LMO7: variants seen among roughly 807,000 people sequenced by gnomAD.
LMO7 encodes LIM domain only protein 7.
A neutral mutation model predicts 206.5 loss-of-function variants in LMO7; 120 were observed. That is an observed-to-expected ratio of 0.58 (90% CI 0.50 to 0.68). LMO7 has a LOEUF of 0.68. Among genes scored for constraint, LMO7 ranks in the 30% least tolerant of loss-of-function variants. The pLI is 0.00. For missense variants in LMO7, 1,959 were observed against 1,957.9 expected (o/e 1.00, Z -0.01); for synonymous variants, 706 against 681.5 (o/e 1.04, Z -0.56).
At chr13:75,801,682 GT>G (rs930244450) in intron 7 of LMO7, among the ~76,000 whole-genome samples, 6 of 149,704 alleles carry the variant, frequency 4.0e-5, no homozygotes, top group East Asian at 1.9e-4. Context: ...CACAAGTGAA[GT>G]TTTTTTTTTG....
At chr13:75,781,096 C>CTTTTTTTTTTT (rs367937964) in intron 4 of LMO7, among the ~76,000 whole-genome samples, 12 of 41,904 alleles carry the variant, frequency 2.9e-4, no homozygotes, top group Admixed American at 3.4e-4. Context: ...CTCTATTTTC[C>CTTTTTTTTTTT]TTTTTTTTTT....
rs2045887159 is a variant in LMO7, at chr13:75,737,065, T to C, written c.210+9967T>C. 3.9e-5 allele frequency among the ~76,000 whole-genome samples: 6 copies of C among 152,290 alleles called. No homozygotes were observed. In the South Asian group the frequency reaches 1.2e-3, roughly 32 times the overall value. ...GCCCCAGTACCTTAGAGTGTGATCT[T>C]ATTTGGGAATAGAGTTGTTGGAGAT... On this transcript the variant is annotated intron_variant, in intron 3 of 30. Transcript: ENST00000377534.
intron 13 of LMO7, among the ~76,000 whole-genome samples, chr13:75,820,414 T>C (rs1405136557): frequency 6.6e-6 from 1 of 152,206 alleles, no homozygotes; most frequent in Non-Finnish European, 1.5e-5. Flanking sequence ...ATCTTTTATT[T>C]TTACTAAATT....
upstream of LMO7, among the ~76,000 whole-genome samples, chr13:75,633,845 T>C (rs1303133491): frequency 4.9e-5 from 2 of 41,054 alleles, no homozygotes; most frequent in African/African-American, 1.0e-4. Flanking sequence ...CTTTTCCTTT[T>C]TTTTTTTTTT....
chr13:75,636,120 C>T (rs1449521918), upstream of LMO7: 4 of 194,528 alleles, frequency 2.1e-5, no homozygotes, highest in Non-Finnish European at 2.8e-5. Flanking sequence ...GCGGGAACCC[C>T]AGCGGGGCCC....
intron 4 of LMO7, among the ~76,000 whole-genome samples, chr13:75,793,277 T>C (rs953876376): frequency 6.6e-6 from 1 of 152,178 alleles, no homozygotes; most frequent in Non-Finnish European, 1.5e-5. Context: ...GGTTTTTGTT[T>C]GTTTGTTTGT....
chr13:75,842,268 TACTC>T (rs1052155723), intron 24 of LMO7, among the ~76,000 whole-genome samples: 1 of 152,166 alleles, frequency 6.6e-6, no homozygotes, highest in African/African-American at 2.4e-5. Context: ...CTCTTCCCCT[TACTC>T]ACTCTGTTCC....
At chr13:75,805,875 C>T in intron 9 of LMO7, 115 bp downstream of exon 9, 2 of 1,202,978 alleles carry the variant, frequency 1.7e-6, no homozygotes, top group Admixed American at 2.3e-5. Context: ...AATTAGTTCT[C>T]TAGTATCTGC....
upstream of LMO7, among the ~76,000 whole-genome samples, chr13:75,634,996 T>G (rs1005344761): frequency 7.1e-5 from 10 of 141,654 alleles, no homozygotes; most frequent in African/African-American, 2.4e-4. Flanking sequence ...ACAGTGAGAC[T>G]CCATCTCAAA....
intron 5 of LMO7, among the ~76,000 whole-genome samples, chr13:75,796,357 T>C (rs1224437449): frequency 2.6e-5 from 4 of 152,206 alleles, no homozygotes; most frequent in African/African-American, 9.6e-5. Context: ...TTTTCTCTTA[T>C]TTTTTTCCCT....
At chr13:75,840,177 C>A in intron 21 of LMO7, 67 bp downstream of exon 21, 1 of 1,455,120 alleles carries the variant, frequency 6.9e-7, no homozygotes, top group Non-Finnish European at 9.6e-7. Flanking sequence ...TACACCGTAG[C>A]ATGCTTACCA....
chr13:75,764,424 T>G (rs1448450344), intron 4 of LMO7, among the ~76,000 whole-genome samples: 2 of 152,056 alleles, frequency 1.3e-5, no homozygotes, highest in African/African-American at 2.4e-5. Flanking sequence ...TCAAGCATAA[T>G]GGCCCCACCA....
chr13:75,804,958 GT>G, intron 8 of LMO7: 1 of 1,001,950 alleles, frequency 1.0e-6, no homozygotes, highest in Non-Finnish European at 1.2e-6. Context: ...GAGGCGTACG[GT>G]TTTGAAAGTG....
chr13:75,760,184 A>G (rs2048039150), intron 3 of LMO7: 1 of 165,170 alleles, frequency 6.1e-6, no homozygotes, highest in South Asian at 2.0e-4. Context: ...AGCAGTTTAC[A>G]TTAACGAAGA....
intron 3 of LMO7, among the ~76,000 whole-genome samples, chr13:75,752,455 T>A (rs2047350120): frequency 6.6e-6 from 1 of 152,260 alleles, no homozygotes; most frequent in Middle Eastern, 3.4e-3. Flanking sequence ...AAAAAATTTA[T>A]ATTCATGGGG....
At chr13:75,837,956 A>G (rs1420135768) in intron 19 of LMO7, among the ~76,000 whole-genome samples, 184 bp from the exon 20 acceptor site, 1 of 152,186 alleles carries the variant, frequency 6.6e-6, no homozygotes, top group Non-Finnish European at 1.5e-5. Context: ...TTTGAATGTA[A>G]TGTAGGCTAC....
At chr13:75,832,992 C>G (rs202147881) in intron 15 of LMO7, 59 bp from the exon 16 acceptor site, 1 of 905,234 alleles carries the variant, frequency 1.1e-6, no homozygotes, top group Non-Finnish European at 1.9e-6. Flanking sequence ...CATGGATAGA[C>G]TTTCCTCCAT....
intron 1 of LMO7, among the ~76,000 whole-genome samples, chr13:75,638,544 C>T (rs1193709989): frequency 6.6e-6 from 1 of 152,148 alleles, no homozygotes. Flanking sequence ...ACTGTCATAT[C>T]CTTTTAATAT....
intron 3 of LMO7, among the ~76,000 whole-genome samples, chr13:75,748,393 G>A (rs1403086838): frequency 6.6e-6 from 1 of 152,156 alleles, no homozygotes; most frequent in Non-Finnish European, 1.5e-5. Context: ...GGCAAGTCAC[G>A]TAACCCCTTA....
Sources: allele counts gnomAD v4.1 joint callset (sites outside exome capture counted in the v4.1 genomes callset), GRCh38; gene constraint gnomAD v4.1.1; transcripts MANE v1.5; gene names NCBI Gene and HGNC (gene_info 2026-07-23, HGNC 2026-07-21).